Variants in KCNG2 observed in about 807,000 individuals in gnomAD.
The protein encoded by KCNG2 is voltage-gated potassium channel regulatory subunit KCNG2.
In KCNG2, 7 loss-of-function variants were observed where a neutral mutation model predicts 12.3. That is an observed-to-expected ratio of 0.57 (90% CI 0.32 to 1.07). The LOEUF (loss-of-function observed/expected upper bound fraction) is 1.07, where lower values mean the gene tolerates loss of function less well. Among genes scored for constraint, KCNG2 ranks in the 50% least tolerant of loss-of-function variants. The probability of loss-of-function intolerance (pLI) is 0.04; values close to 1 mark genes in which losing one functional copy is unlikely to be tolerated. For synonymous variants in KCNG2, 414 were observed against 351.4 expected (o/e 1.18, Z -1.99); for missense variants, 703 against 726.0 (o/e 0.97, Z 0.36).
intron 1 of KCNG2, among the ~76,000 whole-genome samples, chr18:79,845,566 A>G (rs1173420329): frequency 2.0e-5 from 3 of 152,220 alleles, no homozygotes; most frequent in East Asian, 3.8e-4. Context: ...TTAATTACCA[A>G]ATTTCTATGT....
intron 3 of KCNG2, among the ~76,000 whole-genome samples, chr18:79,868,923 C>T (rs1568264079): frequency 6.6e-6 from 1 of 152,196 alleles, no homozygotes; most frequent in African/African-American, 2.4e-5. Flanking sequence ...GACACGAGTT[C>T]TTGAGAACTA....
chr18:79,883,390 G>A (rs968515434), intron 3 of KCNG2, among the ~76,000 whole-genome samples: 3 of 152,258 alleles, frequency 2.0e-5, no homozygotes, highest in Non-Finnish European at 2.9e-5. Flanking sequence ...TCTGATGAGC[G>A]AGCAGGTCCT....
At chr18:79,862,557 G>A (rs533515027) in intron 2 of KCNG2, among the ~76,000 whole-genome samples, 1 of 152,278 alleles carries the variant, frequency 6.6e-6, no homozygotes, top group South Asian at 2.1e-4. Context: ...GGGACTTCTC[G>A]GGTTTTTCCC....
At position 79,814,783 on chromosome 18, in the gene KCNG2, T is replaced by G. The variant is rs148788536; in HGVS notation, c.-115+16769T>G. 3.9e-3 allele frequency among the ~76,000 whole-genome samples: 590 copies of G among 152,342 alleles called. 1 individual carries two copies. The highest frequency in any genetic ancestry group is 6.5e-3 in the Admixed American group (99 of 15,304). The stretch of plus-strand genomic sequence containing the variant: ...AAAGGTTTAATTCTAAAAATGTATA[T>G]GTATATGCATAAAGGCTTAGTAGAA... On this transcript the variant is annotated intron_variant, in intron 1 of 3. Transcript: ENST00000316249.
chr18:79,832,909 C>T (rs1048234681), intron 1 of KCNG2, among the ~76,000 whole-genome samples: 1 of 152,208 alleles, frequency 6.6e-6, no homozygotes, highest in Non-Finnish European at 1.5e-5. Flanking sequence ...CACGGTGAGC[C>T]TTGGAGTATA....
At chr18:79,872,066 C>G (rs1979854723) in intron 3 of KCNG2, among the ~76,000 whole-genome samples, 2 of 152,126 alleles carry the variant, frequency 1.3e-5, no homozygotes, top group East Asian at 1.9e-4. Context: ...GTGGAGGGAT[C>G]AGAGACCCTG....
intron 2 of KCNG2, among the ~76,000 whole-genome samples, chr18:79,860,956 G>A (rs538927738): frequency 1.3e-5 from 2 of 152,276 alleles, no homozygotes; most frequent in East Asian, 1.9e-4. Context: ...TTTTTCCTAC[G>A]TGGACCTTGT....
chr18:79,895,339 GTC>G (rs1980927137), intron 3 of KCNG2, among the ~76,000 whole-genome samples: 3 of 151,284 alleles, frequency 2.0e-5, no homozygotes, highest in Admixed American at 2.0e-4. Flanking sequence ...ATATAGTTGA[GTC>G]TGTGTCTGCT....
At chr18:79,818,034 G>A (rs1216654431) in intron 1 of KCNG2, among the ~76,000 whole-genome samples, 1 of 152,222 alleles carries the variant, frequency 6.6e-6, no homozygotes, top group Non-Finnish European at 1.5e-5. Context: ...GTGGGCAGGA[G>A]CCTGCCCCTC....
chr18:79,821,351 G>A lies in KCNG2; in HGVS notation c.-115+23337G>A, dbSNP rs571639457. Among the ~76,000 whole-genome samples the A allele has an allele frequency of 9.7e-5, 14 of 144,472 alleles. No homozygotes were observed. In the East Asian group the frequency reaches 1.2e-3, roughly 13 times the overall value. The allele number at this position is 144,472 out of a possible 152,430, so 94.8% of individuals were successfully genotyped here. A position where few individuals can be genotyped will look rare whatever the true frequency, so the allele number is the denominator to read the frequency against. ...GTCACCCAGGCTGGAGCACAGTGGC[G>A]CAATCTTGGCTCACGGCAACATCTG... On this transcript the variant is annotated intron_variant, in intron 1 of 3. Coordinates refer to ENST00000316249, the MANE Select transcript of KCNG2 (RefSeq NM_012283.2).
chr18:79,864,319 C>T (rs1019351950), intron 3 of KCNG2, 28 bp downstream of exon 3: 92 of 1,157,354 alleles, frequency 7.9e-5, no homozygotes, highest in South Asian at 9.3e-5. Context: ...TGGCGGGGAC[C>T]GGGCCGGAGC....
intron 1 of KCNG2, among the ~76,000 whole-genome samples, chr18:79,811,155 C>A (rs570393070): frequency 6.6e-6 from 1 of 152,154 alleles, no homozygotes; most frequent in Admixed American, 6.5e-5. Context: ...GCAATACTCC[C>A]AAACTGATCT....
At chr18:79,869,560 A>G (rs897911376) in intron 3 of KCNG2, among the ~76,000 whole-genome samples, 1 of 152,144 alleles carries the variant, frequency 6.6e-6, no homozygotes, top group Non-Finnish European at 1.5e-5. Flanking sequence ...CTGTCCAAGC[A>G]GGCTCTGTCC....
intron 3 of KCNG2, among the ~76,000 whole-genome samples, chr18:79,881,426 A>G (rs967891981): frequency 7.9e-5 from 12 of 152,242 alleles, no homozygotes; most frequent in Non-Finnish European, 1.6e-4. Flanking sequence ...CAGGAAACCC[A>G]CAACAAAGCT....
chr18:79,810,641 G>A (rs1461243614), intron 1 of KCNG2, among the ~76,000 whole-genome samples: 1 of 152,192 alleles, frequency 6.6e-6, no homozygotes, highest in African/African-American at 2.4e-5. Flanking sequence ...GCACAGGCCT[G>A]TAGTTGCAGC....
chr18:79,899,971 C>CG lies in KCNG2; in HGVS notation c.*159dup, dbSNP rs751828610. On this transcript the variant is annotated 3_prime_UTR_variant, in exon 4 of 4. Transcript: ENST00000316249. ...GTGCGTGAGCAGCCCCAGAACTTGG[C>CG]GGGGCCCTGCCTGACTCCCCGTGGC... 1 of 624,136 alleles carries CG rather than the reference C, an allele frequency of 1.6e-6. No homozygotes were observed. The highest frequency in any genetic ancestry group is 6.9e-5 in the South Asian group (1 of 14,522). The allele number at this position is 624,136 out of a possible 1,614,324, so 38.7% of individuals were successfully genotyped here.
At position 79,841,168 on chromosome 18, in the gene KCNG2, G is replaced by C. The variant is rs189870842; in HGVS notation, c.-114-15211G>C. Among the ~76,000 whole-genome samples, 26 of 152,290 alleles carry C rather than the reference G, an allele frequency of 1.7e-4. No individual in the cohort carries two copies. In the East Asian group the frequency reaches 4.8e-3, roughly 28 times the overall value. ...CACCTGTAGTCCCAGCTACTCAGTA[G>C]ACTGAGGTGGGAAGATTGCTTGAGC... On this transcript the variant is annotated intron_variant, in intron 1 of 3. Coordinates refer to ENST00000316249, the MANE Select transcript of KCNG2 (RefSeq NM_012283.2).
intron 1 of KCNG2, among the ~76,000 whole-genome samples, chr18:79,854,270 T>C (rs1978928886): frequency 6.6e-6 from 1 of 152,222 alleles, no homozygotes; most frequent in Non-Finnish European, 1.5e-5. Flanking sequence ...AGGGCAGCAG[T>C]GGCCGTGTGT....
At chr18:79,812,474 A>G (rs1208658898) in intron 1 of KCNG2, among the ~76,000 whole-genome samples, 2 of 152,274 alleles carry the variant, frequency 1.3e-5, no homozygotes, top group Non-Finnish European at 2.9e-5. Flanking sequence ...TTCAAAGAAG[A>G]GAAGGGAACC....
Sources: gnomAD v4.1 joint callset for allele counts (sites outside exome capture counted in the v4.1 genomes callset) on GRCh38, gnomAD v4.1.1 for gene constraint, MANE v1.5 for transcripts, NCBI Gene and HGNC (gene_info 2026-07-23, HGNC 2026-07-21) for gene names.